The following PDSS2 variants were observed in gnomAD, a reference collection of about 807,000 sequenced individuals.
The protein encoded by PDSS2 is decaprenyl diphosphate synthase subunit 2, also known as all trans-polyprenyl-diphosphate synthase PDSS2.
PDSS2 carries 31 observed loss-of-function variants against 44.5 expected under a neutral mutation model. The ratio of observed to expected loss-of-function variants is 0.70; its 90% CI spans 0.52 to 0.94. The LOEUF (loss-of-function observed/expected upper bound fraction) is 0.94. Ranked by LOEUF, PDSS2 falls within the 40% of genes least tolerant of loss-of-function variation. The pLI is 0.00. For synonymous variants in PDSS2, 157 were observed against 180.3 expected, an observed-to-expected ratio of 0.87 and a Z score of 1.03; for missense variants, 452 against 482.2, an observed-to-expected ratio of 0.94 and a Z score of 0.59.
At chr6:107,233,556 A>C (rs1457737069) in intron 4 of PDSS2, among the ~76,000 whole-genome samples, 8 of 152,190 alleles carry the variant, frequency 5.3e-5, no homozygotes, top group South Asian at 2.1e-4. Flanking sequence ...TCATACCTGT[A>C]ATCTCAGTGC....
intron 3 of PDSS2, among the ~76,000 whole-genome samples, chr6:107,250,212 A>C (rs1294028762): frequency 6.6e-6 from 1 of 151,014 alleles, no homozygotes; most frequent in Non-Finnish European, 1.5e-5. Flanking sequence ...TCGCATTGCT[A>C]TCCAAAGATG....
chr6:107,359,271 CA>C (rs200556685), intron 1 of PDSS2, among the ~76,000 whole-genome samples: 10,406 of 151,712 alleles, frequency 0.069, 425 homozygotes, highest in Non-Finnish European at 0.091. Context: ...CTCAGCCTCA[CA>C]AAGTGCTGGG....
intron 7 of PDSS2, among the ~76,000 whole-genome samples, chr6:107,173,375 A>G (rs1450687414): frequency 2.0e-5 from 3 of 151,504 alleles, no homozygotes; most frequent in African/African-American, 7.3e-5. Context: ...CGAGATTGAG[A>G]CCATCCTCGC....
chr6:107,359,806 G>C (rs1778711556), intron 1 of PDSS2, among the ~76,000 whole-genome samples: 1 of 152,086 alleles, frequency 6.6e-6, no homozygotes, highest in Non-Finnish European at 1.5e-5. Flanking sequence ...AAAAGTCCTG[G>C]AGGCGGGGGG....
intron 7 of PDSS2, among the ~76,000 whole-genome samples, chr6:107,185,354 T>C (rs1772132363): frequency 6.6e-6 from 1 of 152,168 alleles, no homozygotes; most frequent in African/African-American, 2.4e-5. Context: ...TTTGACCAAC[T>C]GATGGTTATT....
chr6:107,330,399 T>C (rs1439023720), intron 2 of PDSS2, among the ~76,000 whole-genome samples: 1 of 152,178 alleles, frequency 6.6e-6, no homozygotes, highest in Non-Finnish European at 1.5e-5. Flanking sequence ...TTCTACCAGT[T>C]AAGGTGCTGG....
chr6:107,249,063 A>G (rs1774725263), intron 3 of PDSS2, among the ~76,000 whole-genome samples: 1 of 152,252 alleles, frequency 6.6e-6, no homozygotes, highest in Non-Finnish European at 1.5e-5. Flanking sequence ...ATGCTTGGAA[A>G]TGATTTATAT....
intron 1 of PDSS2, among the ~76,000 whole-genome samples, chr6:107,413,540 C>T (rs1213725861): frequency 1.3e-5 from 2 of 152,204 alleles, no homozygotes; most frequent in Non-Finnish European, 2.9e-5. Flanking sequence ...TCTTGGCTCA[C>T]TGCAACCTCT....
At chr6:107,316,488 G>C (rs1032357138) in intron 2 of PDSS2, among the ~76,000 whole-genome samples, 2 of 151,926 alleles carry the variant, frequency 1.3e-5, no homozygotes, top group African/African-American at 2.4e-5. Flanking sequence ...TTCTAGTACA[G>C]CTATTATATA....
intron 3 of PDSS2, among the ~76,000 whole-genome samples, chr6:107,248,778 T>A (rs114507786): frequency 0.017 from 2,548 of 152,296 alleles, 71 homozygotes; most frequent in African/African-American, 0.058. Context: ...GAAAACTCCT[T>A]TTCTGCAAAT....
At chr6:107,406,634 G>A (rs1780328617) in intron 1 of PDSS2, among the ~76,000 whole-genome samples, 1 of 152,176 alleles carries the variant, frequency 6.6e-6, no homozygotes, top group South Asian at 2.1e-4. Flanking sequence ...TTTCATAACT[G>A]AGACTAGTGA....
chr6:107,193,057 C>G (rs1339454854), intron 7 of PDSS2, among the ~76,000 whole-genome samples: 1 of 152,252 alleles, frequency 6.6e-6, no homozygotes, highest in Non-Finnish European at 1.5e-5. Flanking sequence ...AGCCAAGCAG[C>G]TGTACACATG....
chr6:107,418,596 A>G (rs533017398), intron 1 of PDSS2, among the ~76,000 whole-genome samples: 1 of 152,080 alleles, frequency 6.6e-6, no homozygotes, highest in East Asian at 1.9e-4. Flanking sequence ...ACATGATGAT[A>G]CCCCGCATCT....
intron 1 of PDSS2, among the ~76,000 whole-genome samples, chr6:107,449,520 C>T (rs1171731717): frequency 6.6e-6 from 1 of 152,206 alleles, no homozygotes; most frequent in East Asian, 1.9e-4. Context: ...ACTCTAGACA[C>T]TTTATATAAG....
intron 1 of PDSS2, among the ~76,000 whole-genome samples, chr6:107,402,948 A>G (rs1378162383): frequency 6.6e-6 from 1 of 151,864 alleles, no homozygotes; most frequent in African/African-American, 2.4e-5. Context: ...CTCCTCCCAA[A>G]TCTCATGTCC....
chr6:107,325,423 C>CA (rs1203832108), intron 2 of PDSS2, among the ~76,000 whole-genome samples: 1 of 152,130 alleles, frequency 6.6e-6, no homozygotes, highest in Non-Finnish European at 1.5e-5. Flanking sequence ...TAACCTTAAT[C>CA]AATTGAATAC....
chr6:107,417,650 T>TC (rs1429616977), intron 1 of PDSS2, among the ~76,000 whole-genome samples: 1 of 152,012 alleles, frequency 6.6e-6, no homozygotes, highest in East Asian at 1.9e-4. Context: ...TCCCAGCTAC[T>TC]CAGGAGGCTG....
chr6:107,259,674 CAA>C (rs200907014), intron 3 of PDSS2, among the ~76,000 whole-genome samples: 2 of 124,214 alleles, frequency 1.6e-5, no homozygotes, highest in Non-Finnish European at 1.7e-5. Context: ...GACTCTGTCT[CAA>C]AAAAAAAAAA....
chr6:107,243,544 T>C (rs1377588540), intron 4 of PDSS2, among the ~76,000 whole-genome samples: 1 of 152,184 alleles, frequency 6.6e-6, no homozygotes, highest in Non-Finnish European at 1.5e-5. Context: ...ATAGATATCT[T>C]ATATGGAACT....
Sources: gnomAD v4.1 joint callset for allele counts (sites outside exome capture counted in the v4.1 genomes callset) on GRCh38, gnomAD v4.1.1 for gene constraint, MANE v1.5 for transcripts, NCBI Gene and HGNC (gene_info 2026-07-23, HGNC 2026-07-21) for gene names.